The following ATP2B1 variants were observed in gnomAD, a reference collection of about 807,000 sequenced individuals.
ATP2B1 encodes the protein ATPase plasma membrane Ca2+ transporting 1.
ATP2B1 carries 14 observed loss-of-function variants against 124.2 expected under a neutral mutation model. The observed-to-expected ratio is 0.11, with a 90% CI of 0.07 to 0.18. The LOEUF (loss-of-function observed/expected upper bound fraction) is 0.18, where lower values mean the gene tolerates loss of function less well. Among genes scored for constraint, ATP2B1 ranks in the 10% least tolerant of loss-of-function variants. The pLI is 1.00. For missense variants in ATP2B1, 763 were observed against 1,466.1 expected (o/e 0.52, Z 7.83); for synonymous variants, 449 against 492.4 (o/e 0.91, Z 1.17).
At chr12:89,655,588 A>C in intron 2 of ATP2B1, 91 bp downstream of exon 2, 2 of 1,231,518 alleles carry the variant, frequency 1.6e-6, no homozygotes, top group Non-Finnish European at 1.2e-6. Flanking sequence ...TAATCATACA[A>C]TCGCCAAGAT....
chr12:89,686,419 T>C (rs759480438), intron 1 of ATP2B1, among the ~76,000 whole-genome samples: 10 of 152,146 alleles, frequency 6.6e-5, no homozygotes, highest in African/African-American at 2.4e-4. Flanking sequence ...GAATGCCAGA[T>C]ACTGATATGC....
Position 89,610,611 on chromosome 12 carries a change from G to C in ATP2B1, c.2248-103C>G, listed in dbSNP as rs1877812355. Reference sequence around the variant, plus strand: ...AGTAGCTCTCAAAGTGTGGTCCACAGAACAATCAGAAACTCCTGGGAACTT... The same window carrying C: ...AGTAGCTCTCAAAGTGTGGTCCACACAACAATCAGAAACTCCTGGGAACTT... On this transcript the variant is annotated intron_variant, in intron 13 of 20. Transcript: ENST00000428670. The C allele has an allele frequency of 6.5e-6, 6 of 921,156 alleles. No homozygotes were observed. The East Asian group carries it at 1.5e-4, about 23-fold the overall frequency. 57.1% of individuals were successfully genotyped at this position (921,156 alleles called of 1,614,324 possible). A position where few individuals can be genotyped will look rare whatever the true frequency, so the allele number is the denominator to read the frequency against.
rs1189082831 is a variant in ATP2B1, at chr12:89,589,744, C to A, written c.*1240G>T. The A allele has an allele frequency of 6.6e-6, 1 of 151,960 alleles. No homozygotes were observed. The highest frequency in any genetic ancestry group is 1.5e-5 in the Non-Finnish European group (1 of 67,980). 9.4% of individuals were successfully genotyped at this position (151,960 alleles called of 1,614,324 possible). A position where few individuals can be genotyped will look rare whatever the true frequency, so the allele number is the denominator to read the frequency against. ...TGGTCAAAGAGAACAGACTGATGCA[C>A]TGTATATGCAGAACTGAGTAAAGAA... On this transcript the variant is annotated 3_prime_UTR_variant, in exon 21 of 21. Coordinates refer to ENST00000428670, the MANE Select transcript of ATP2B1 (RefSeq NM_001366521.1).
At chr12:89,633,157 G>A (rs1882137394) in intron 5 of ATP2B1, among the ~76,000 whole-genome samples, 1 of 151,970 alleles carries the variant, frequency 6.6e-6, no homozygotes, top group Admixed American at 6.6e-5. Context: ...AGCATGGCAA[G>A]GTAAGTAGAA....
chr12:89,680,058 TTTGACAA>T (rs1889145394), intron 1 of ATP2B1, among the ~76,000 whole-genome samples: 2 of 152,278 alleles, frequency 1.3e-5, no homozygotes, highest in South Asian at 4.1e-4. Flanking sequence ...ACTTCACTAT[TTTGACAA>T]TAAGCATTCT....
chr12:89,638,165 G>A (rs1053049384), intron 3 of ATP2B1, among the ~76,000 whole-genome samples: 2 of 152,012 alleles, frequency 1.3e-5, no homozygotes, highest in Non-Finnish European at 2.9e-5. Context: ...AATATATAAA[G>A]AATTTTAACA....
chr12:89,640,501 T>C (rs1461115913), intron 3 of ATP2B1, among the ~76,000 whole-genome samples: 1 of 152,218 alleles, frequency 6.6e-6, no homozygotes, highest in Non-Finnish European at 1.5e-5. Context: ...AACCTTAATC[T>C]ATACCAATCT....
At chr12:89,595,311 T>C (rs1487406012) in intron 20 of ATP2B1, among the ~76,000 whole-genome samples, 1 of 152,036 alleles carries the variant, frequency 6.6e-6, no homozygotes, top group Non-Finnish European at 1.5e-5. Flanking sequence ...AAAACCAAAT[T>C]TTCTCTCAAT....
chr12:89,609,570 G>T (rs1369643439), intron 15 of ATP2B1, among the ~76,000 whole-genome samples: 1 of 152,082 alleles, frequency 6.6e-6, no homozygotes, highest in African/African-American at 2.4e-5. Context: ...TAGATGAATG[G>T]AAGAGTTTCA....
At chr12:89,685,897 A>G (rs551288388) in intron 1 of ATP2B1, among the ~76,000 whole-genome samples, 1 of 152,120 alleles carries the variant, frequency 6.6e-6, no homozygotes, top group Non-Finnish European at 1.5e-5. Context: ...CACAGCAAGA[A>G]GAAGGCCATC....
At chr12:89,696,538 C>T (rs928514851) in intron 1 of ATP2B1, among the ~76,000 whole-genome samples, 3 of 151,984 alleles carry the variant, frequency 2.0e-5, no homozygotes, top group African/African-American at 7.2e-5. Flanking sequence ...ATAATTATAC[C>T]TACATTATCT....
intron 2 of ATP2B1, among the ~76,000 whole-genome samples, chr12:89,647,240 C>T (rs1202482674): frequency 6.6e-6 from 1 of 152,146 alleles, no homozygotes; most frequent in African/African-American, 2.4e-5. Flanking sequence ...CTTCTTATGG[C>T]CCAGTTAACT....
chr12:89,697,741 TATC>T (rs1429235080), intron 1 of ATP2B1, among the ~76,000 whole-genome samples: 2 of 135,498 alleles, frequency 1.5e-5, no homozygotes, highest in African/African-American at 2.8e-5. Flanking sequence ...TTTTTTCAAA[TATC>T]AGCAGTCCTC....
chr12:89,698,707 G>A (rs539130977), intron 1 of ATP2B1, among the ~76,000 whole-genome samples: 1 of 152,258 alleles, frequency 6.6e-6, no homozygotes, highest in South Asian at 2.1e-4. Flanking sequence ...ATTCAATATG[G>A]GTTTCACAGT....
chr12:89,701,385 G>A (rs745802726), intron 1 of ATP2B1, among the ~76,000 whole-genome samples: 2 of 152,114 alleles, frequency 1.3e-5, no homozygotes, highest in Non-Finnish European at 2.9e-5. Context: ...TAAAAGAACT[G>A]AGATAAGATA....
chr12:89,704,208 A>G (rs1892183245), intron 1 of ATP2B1, among the ~76,000 whole-genome samples: 1 of 152,176 alleles, frequency 6.6e-6, no homozygotes, highest in Non-Finnish European at 1.5e-5. Context: ...AGTACAGCAC[A>G]TTTTATTTTT....
At chr12:89,663,059 T>C (rs1886889112) in intron 1 of ATP2B1, among the ~76,000 whole-genome samples, 1 of 152,212 alleles carries the variant, frequency 6.6e-6, no homozygotes, top group Non-Finnish European at 1.5e-5. Flanking sequence ...CCCAGCACTG[T>C]CTGGAACATA....
At chr12:89,658,294 A>G (rs1202169185) in intron 1 of ATP2B1, among the ~76,000 whole-genome samples, 1 of 152,160 alleles carries the variant, frequency 6.6e-6, no homozygotes, top group Non-Finnish European at 1.5e-5. Flanking sequence ...CCTGCCTGAT[A>G]GGAGATTTTC....
At chr12:89,591,324 G>A in intron 20 of ATP2B1, 29 bp from the exon 21 acceptor site, 4 of 1,566,168 alleles carry the variant, frequency 2.6e-6, no homozygotes, top group Middle Eastern at 2.0e-4. Context: ...ACAGAAATAT[G>A]TCAGTACACT....
Sources: allele counts gnomAD v4.1 joint callset (sites outside exome capture counted in the v4.1 genomes callset), GRCh38; gene constraint gnomAD v4.1.1; transcripts MANE v1.5; gene names NCBI Gene and HGNC (gene_info 2026-07-23, HGNC 2026-07-21).